The following SPART variants were observed in gnomAD, a reference collection of about 807,000 sequenced individuals.
The protein encoded by SPART is spartin, also known as spastic paraplegia 20 (Troyer syndrome).
Under a neutral mutation model 58.7 loss-of-function variants are expected in SPART, and 35 were observed. The ratio of observed to expected loss-of-function variants is 0.60; its 90% CI spans 0.46 to 0.79. The LOEUF (loss-of-function observed/expected upper bound fraction) is 0.79. Ranked by LOEUF, SPART falls within the 30% of genes least tolerant of loss-of-function variation. The pLI is 0.00. For missense variants in SPART, 730 were observed against 786.1 expected (o/e 0.93, Z 0.85); for synonymous variants, 284 against 280.7 (o/e 1.01, Z -0.12).
In SPART at chr13:36,302,322, C is replaced by T. The variant is rs1362386313; in HGVS notation, c.*2043G>A. On this transcript the variant is annotated 3_prime_UTR_variant, in exon 9 of 9. Transcript: ENST00000438666. ...GAGTCAGTGAATGGTGGGAAAAGTC[C>T]ATTTTCTATAGACTAAGGCAGCACA... 6.6e-6 allele frequency: 1 copy of T among 152,070 alleles called. No individual in the cohort carries two copies. The highest frequency in any genetic ancestry group is 2.4e-5 in the African/African-American group (1 of 41,412). The allele number at this position is 152,070 out of a possible 1,614,324, so 9.4% of individuals were successfully genotyped here.
chr13:36,314,082 A>G (rs574553929), intron 6 of SPART, 145 bp downstream of exon 6: 1 of 807,860 alleles, frequency 1.2e-6, no homozygotes, highest in Admixed American at 2.5e-5. Flanking sequence ...CGCAGGTCTC[A>G]CTATGAATAA....
intron 5 of SPART, among the ~76,000 whole-genome samples, chr13:36,325,351 T>C (rs117098645): frequency 5.3e-5 from 8 of 152,228 alleles, no homozygotes; most frequent in Non-Finnish European, 1.0e-4. Context: ...TTTGGCTCTA[T>C]CTTTTTTTCT....
In SPART at chr13:36,335,582, T is replaced by C. The variant is rs2137553861; in HGVS notation, c.249A>G (p.Glu83=). 1 of 1,613,630 alleles carries C rather than the reference T, an allele frequency of 6.2e-7. No homozygotes were observed. Residue 83 remains glutamate (E), a synonymous_variant, in exon 2 of 9, where the codon GAA becomes GAG. Transcript: ENST00000438666. ...GCCTGGTGCGTACATTCTGTAGAGT[T>C]TCTTTCATTTTCTGTTGCATCTGTC... ...SARQMQQKMK[E]TLQNVRTRLE...
rs1566131506 is a variant in SPART, at chr13:36,335,138, A to G, written c.693T>C (p.Phe231=). Residue 231 remains phenylalanine, a synonymous_variant, in exon 2 of 9, where the codon TTT becomes TTC. Transcript: ENST00000438666. ...LILIPNGVQI[F]FVNPAGEVSA... is the part of the protein sequence containing the mutation. ...TAACCTCCCCTGCAGGATTTACAAA[A>G]AAAATCTGTACTCCATTTGGTATCA... 1.2e-6 allele frequency: 2 copies of G among 1,614,166 alleles called. No homozygotes were observed. Among genetic ancestry groups the G allele is most frequent in the Non-Finnish European group, 1.7e-6 (2 of 1,180,032 alleles).
chr13:36,308,417 A>C (rs1323338414), intron 8 of SPART: 9 of 152,194 alleles, frequency 5.9e-5, no homozygotes, highest in Admixed American at 4.6e-4. Flanking sequence ...ATTCTCACTT[A>C]CCTGGTTTTT....
At chr13:36,310,276 C>T (rs148081734) in intron 8 of SPART, among the ~76,000 whole-genome samples, 272 of 152,166 alleles carry the variant, frequency 1.8e-3, no homozygotes, top group Middle Eastern at 6.8e-3. Context: ...ATCAATATTG[C>T]TCTTCTTTTT....
chr13:36,348,845 T>C (rs1009976642), upstream of SPART, among the ~76,000 whole-genome samples: 2 of 152,138 alleles, frequency 1.3e-5, no homozygotes, highest in Admixed American at 1.3e-4. Context: ...TGCAAGCTGA[T>C]CCTAAAATTC....
chr13:36,354,210 G>A (rs1053649044), intron 1 of SPART, among the ~76,000 whole-genome samples: 13 of 149,874 alleles, frequency 8.7e-5, no homozygotes, highest in Non-Finnish European at 1.5e-4. Flanking sequence ...AAGCATAAAG[G>A]AGGTTTTTTT....
chr13:36,361,375 A>T (rs1885853988), intron 1 of SPART, among the ~76,000 whole-genome samples: 1 of 152,146 alleles, frequency 6.6e-6, no homozygotes. Context: ...ATTTTTTTCA[A>T]TCGCTTTGCA....
At chr13:36,323,392 C>T (rs1233152874) in intron 5 of SPART, among the ~76,000 whole-genome samples, 4 of 152,194 alleles carry the variant, frequency 2.6e-5, no homozygotes, top group South Asian at 2.1e-4. Flanking sequence ...ACTGCATAGC[C>T]GCTGCCTTCT....
intron 5 of SPART, among the ~76,000 whole-genome samples, chr13:36,318,442 T>C (rs1881972718): frequency 6.6e-6 from 1 of 152,110 alleles, no homozygotes; most frequent in Non-Finnish European, 1.5e-5. Context: ...CCCTAAAAGG[T>C]CAAAAGGCCG....
At chr13:36,333,594 A>G (rs929127700) in intron 2 of SPART, among the ~76,000 whole-genome samples, 28 of 152,210 alleles carry the variant, frequency 1.8e-4, no homozygotes, top group Non-Finnish European at 3.5e-4. Context: ...CAAAAAATAC[A>G]CATGAGAAAG....
intron 8 of SPART, chr13:36,308,371 A>T (rs1811971780): frequency 6.6e-6 from 1 of 152,186 alleles, no homozygotes; most frequent in Non-Finnish European, 1.5e-5. Context: ...AGACTGAATC[A>T]TCCTCATAGT....
chr13:36,356,411 A>G (rs965538726), intron 1 of SPART, among the ~76,000 whole-genome samples: 1 of 152,128 alleles, frequency 6.6e-6, no homozygotes, highest in African/African-American at 2.4e-5. Context: ...CATGATAAAC[A>G]TTTTACAACC....
intron 1 of SPART, among the ~76,000 whole-genome samples, chr13:36,366,963 GGACCCTTAGATC>G (rs2137736392): frequency 6.6e-6 from 1 of 152,250 alleles, no homozygotes; most frequent in African/African-American, 2.4e-5. Context: ...ATTCTTCTAA[GGACCCTTAGATC>G]CACCCCAGGA....
intron 1 of SPART, 34 bp from the exon 2 acceptor site, chr13:36,335,866 T>C: frequency 6.6e-7 from 1 of 1,524,166 alleles, no homozygotes; most frequent in South Asian, 1.1e-5. Context: ...ATTATCTTGC[T>C]TAGCTATTGT....
chr13:36,326,462 A>T, intron 5 of SPART, 113 bp downstream of exon 5: 1 of 1,377,320 alleles, frequency 7.3e-7, no homozygotes, highest in Non-Finnish European at 1.0e-6. Context: ...TTGATCATTT[A>T]AAACCAAAAT....
chr13:36,329,640 T>C (rs1371978141), intron 3 of SPART, 123 bp from the exon 4 acceptor site: 2 of 1,006,120 alleles, frequency 2.0e-6, no homozygotes, highest in Admixed American at 2.0e-5. Context: ...AGTCTATCAG[T>C]AACAACTACT....
At chr13:36,326,436 T>G in intron 5 of SPART, 139 bp downstream of exon 5, 1 of 987,128 alleles carries the variant, frequency 1.0e-6, no homozygotes. Context: ...TAGTTCCTTC[T>G]ACATTTATTT....
Sources: gnomAD v4.1 joint callset for allele counts (sites outside exome capture counted in the v4.1 genomes callset) on GRCh38, gnomAD v4.1.1 for gene constraint, MANE v1.5 for transcripts, NCBI Gene and HGNC (gene_info 2026-07-23, HGNC 2026-07-21) for gene names.